Variants in CDH18 observed in about 807,000 individuals in gnomAD.
The protein encoded by CDH18 is cadherin-18.
Under a neutral mutation model 67.9 loss-of-function variants are expected in CDH18, and 31 were observed. The observed-to-expected ratio is 0.46, with a 90% confidence interval of 0.34 to 0.62. The LOEUF (loss-of-function observed/expected upper bound fraction) is 0.62, where lower values mean the gene tolerates loss of function less well. Ranked by LOEUF, CDH18 falls within the 20% of genes least tolerant of loss-of-function variation. CDH18 has a pLI of 0.01. For missense variants in CDH18, 890 were observed against 975.5 expected (o/e 0.91, Z 1.17); for synonymous variants, 362 against 347.2 (o/e 1.04, Z -0.48).
chr5:20,390,970 A>T (rs565290325), intron 1 of CDH18, among the ~76,000 whole-genome samples: 31 of 151,932 alleles, frequency 2.0e-4, no homozygotes, highest in African/African-American at 7.5e-4. Flanking sequence ...AACGTCACAC[A>T]CTGGGGCCTG....
intron 1 of CDH18, among the ~76,000 whole-genome samples, chr5:20,542,450 T>C (rs1327884532): frequency 6.6e-6 from 1 of 151,632 alleles, no homozygotes; most frequent in East Asian, 1.9e-4. Flanking sequence ...TGTGTGTGTG[T>C]ATACACATAC....
intron 2 of CDH18, among the ~76,000 whole-genome samples, chr5:20,202,338 T>C (rs570533285): frequency 2.6e-5 from 4 of 152,296 alleles, no homozygotes; most frequent in African/African-American, 9.6e-5. Context: ...GAGAAATTTA[T>C]TGAAATACAT....
chr5:20,221,240 A>G (rs572216768), intron 2 of CDH18, among the ~76,000 whole-genome samples: 11 of 152,288 alleles, frequency 7.2e-5, no homozygotes, highest in African/African-American at 2.6e-4. Flanking sequence ...TGGATAAAAA[A>G]TATGTGGTAC....
At chr5:20,203,690 AT>A (rs1400164239) in intron 2 of CDH18, among the ~76,000 whole-genome samples, 1 of 152,038 alleles carries the variant, frequency 6.6e-6, no homozygotes, top group African/African-American at 2.4e-5. Flanking sequence ...TAAAGAACTA[AT>A]CCTTCAATGC....
chr5:19,729,625 T>C (rs1320008739), intron 4 of CDH18, among the ~76,000 whole-genome samples: 1 of 152,202 alleles, frequency 6.6e-6, no homozygotes, highest in Admixed American at 6.5e-5. Flanking sequence ...AAGTCCATTT[T>C]GTCAAATAAG....
intron 1 of CDH18, among the ~76,000 whole-genome samples, chr5:20,486,810 T>G (rs1222240053): frequency 6.6e-6 from 1 of 151,412 alleles, no homozygotes; most frequent in Non-Finnish European, 1.5e-5. Context: ...GTCAAAATTT[T>G]CTATTTCTTT....
intron 5 of CDH18, among the ~76,000 whole-genome samples, chr5:19,711,979 T>G (rs1419157064): frequency 6.6e-6 from 1 of 152,054 alleles, no homozygotes; most frequent in Non-Finnish European, 1.5e-5. Context: ...ACTCAGCAAT[T>G]AAAAAGAATG....
intron 2 of CDH18, among the ~76,000 whole-genome samples, chr5:20,204,502 C>A (rs1580472111): frequency 1.3e-5 from 2 of 152,024 alleles, no homozygotes; most frequent in Middle Eastern, 3.4e-3. Context: ...AAAGGCAATT[C>A]TTGAATCTAA....
rs540162586 is a variant in CDH18, at chr5:20,214,190, T to C, written c.-518+41254A>G. Among the ~76,000 whole-genome samples, 4 of 152,064 alleles carry C rather than the reference T, an allele frequency of 2.6e-5. No individual in the cohort carries two copies. In the East Asian group the frequency reaches 5.8e-4, roughly 22 times the overall value. On this transcript the variant is annotated intron_variant, in intron 2 of 14. Transcript: ENST00000507958. ...AAACACTGCTCAATGAAATTAGAGA[T>C]GATACAAATAAGTAGACAAAAATAT...
At chr5:19,785,669 AAAAAAAAAAAATATATATATATATAT>A (rs1378255590) in intron 3 of CDH18, among the ~76,000 whole-genome samples, 5 of 66,638 alleles carry the variant, frequency 7.5e-5, no homozygotes, top group African/African-American at 3.3e-4. Flanking sequence ...AAAAAAAAAA[AAAAAAAAAAAATATATATATATATAT>A]ATATATATAT....
At chr5:19,692,598 G>A (rs928631890) in intron 5 of CDH18, among the ~76,000 whole-genome samples, 1 of 151,654 alleles carries the variant, frequency 6.6e-6, no homozygotes, top group Non-Finnish European at 1.5e-5. Context: ...CTAATAAAAC[G>A]ATATGCAAAT....
At chr5:20,528,735 G>A (rs1046597123) in intron 1 of CDH18, among the ~76,000 whole-genome samples, 1 of 151,988 alleles carries the variant, frequency 6.6e-6, no homozygotes, top group African/African-American at 2.4e-5. Context: ...CAGGGACACA[G>A]CTAAAGCAGT....
intron 12 of CDH18, among the ~76,000 whole-genome samples, chr5:19,479,416 C>A (rs1739023705): frequency 1.3e-5 from 2 of 152,142 alleles, no homozygotes; most frequent in Admixed American, 6.5e-5. Flanking sequence ...TTAACTTCAA[C>A]ATTATTTTAA....
At chr5:20,037,562 C>CCG (rs1739988581) in intron 2 of CDH18, among the ~76,000 whole-genome samples, 1 of 151,912 alleles carries the variant, frequency 6.6e-6, no homozygotes. Flanking sequence ...CTCACTAAAA[C>CCG]CACACTATAT....
intron 2 of CDH18, among the ~76,000 whole-genome samples, chr5:19,899,540 G>C (rs1160062917): frequency 1.3e-5 from 2 of 152,138 alleles, no homozygotes; most frequent in Non-Finnish European, 2.9e-5. Flanking sequence ...TTATGGAAAA[G>C]AATGAGGAGG....
At chr5:20,039,835 A>C (rs1415542867) in intron 2 of CDH18, among the ~76,000 whole-genome samples, 2 of 152,200 alleles carry the variant, frequency 1.3e-5, no homozygotes, top group Non-Finnish European at 2.9e-5. Context: ...ACAAAAGCCA[A>C]AATTGACAAA....
chr5:20,030,758 G>A (rs1406701653), intron 2 of CDH18, among the ~76,000 whole-genome samples: 1 of 152,110 alleles, frequency 6.6e-6, no homozygotes, highest in African/African-American at 2.4e-5. Flanking sequence ...TTACGAGTTA[G>A]GCCATGCAGA....
At chr5:19,502,350 G>A (rs941181460) in intron 11 of CDH18, among the ~76,000 whole-genome samples, 12 of 152,200 alleles carry the variant, frequency 7.9e-5, no homozygotes, top group Admixed American at 3.3e-4. Context: ...AATGTATGAA[G>A]AATGACTTAT....
chr5:19,705,973 T>C (rs1763897361), intron 5 of CDH18, among the ~76,000 whole-genome samples: 1 of 152,192 alleles, frequency 6.6e-6, no homozygotes, highest in South Asian at 2.1e-4. Flanking sequence ...CACAGATGGG[T>C]CTAGTAATGG....
Sources: allele counts gnomAD v4.1 joint callset (sites outside exome capture counted in the v4.1 genomes callset), GRCh38; gene constraint gnomAD v4.1.1; transcripts MANE v1.5; gene names NCBI Gene and HGNC (gene_info 2026-07-23, HGNC 2026-07-21).